The following KCNH8 variants were observed in gnomAD, a reference collection of about 807,000 sequenced individuals.
The protein encoded by KCNH8 is voltage-gated delayed rectifier potassium channel KCNH8.
A neutral mutation model predicts 103.6 loss-of-function variants in KCNH8; 70 were observed. The ratio of observed to expected loss-of-function variants is 0.68; its 90% CI spans 0.56 to 0.82. The LOEUF is 0.82. Ranked by LOEUF, KCNH8 falls within the 40% of genes least tolerant of loss-of-function variation. The pLI, the probability that KCNH8 is intolerant of heterozygous loss-of-function variation, is 0.00. For missense variants in KCNH8, 1,217 were observed against 1,329.9 expected, an observed-to-expected ratio of 0.92 and a Z score of 1.32; for synonymous variants, 498 against 489.4, an observed-to-expected ratio of 1.02 and a Z score of -0.23.
chr3:19,196,015 T>TA (rs1559417695), intron 1 of KCNH8, among the ~76,000 whole-genome samples: 2 of 152,100 alleles, frequency 1.3e-5, no homozygotes, highest in East Asian at 1.9e-4. Context: ...TTTCCTTTTT[T>TA]AAAAAAATTA....
intron 7 of KCNH8, among the ~76,000 whole-genome samples, chr3:19,402,753 C>T (rs2066632281): frequency 6.6e-6 from 1 of 151,822 alleles, no homozygotes; most frequent in African/African-American, 2.4e-5. Context: ...AATAGGGATT[C>T]TGTACCTTAT....
At chr3:19,352,078 G>A (rs1360926481) in intron 5 of KCNH8, among the ~76,000 whole-genome samples, 2 of 152,064 alleles carry the variant, frequency 1.3e-5, no homozygotes, top group African/African-American at 4.8e-5. Flanking sequence ...AAAAGCAGGG[G>A]TTGGAATCCT....
rs147765956 is a variant in KCNH8 at position 19,244,350 on chromosome 3, G to A, written c.77-9304G>A. On this transcript the variant is annotated intron_variant, in intron 1 of 15. Coordinates refer to ENST00000328405, the MANE Select transcript of KCNH8 (RefSeq NM_144633.3). ...TATTTACGCAGTCTACCATAGATGG[G>A]CCCCTAGGTTGATTCCATGTCTTTG... Among the ~76,000 whole-genome samples, 259 of 152,266 alleles carry A rather than the reference G, an allele frequency of 1.7e-3. 3 individuals carry two copies. Among genetic ancestry groups the A allele is most frequent in the Middle Eastern group, 0.017 (5 of 294 alleles).
intron 1 of KCNH8, among the ~76,000 whole-genome samples, chr3:19,170,801 TATATATATA>T (rs1443473972): frequency 9.3e-6 from 1 of 107,296 alleles, no homozygotes; most frequent in Admixed American, 9.1e-5. Context: ...TATATATATA[TATATATATA>T]TTTTTTTTTT....
In KCNH8 at chr3:19,503,114, A is replaced by G. The variant is rs1261405273; in HGVS notation, c.2041-7249A>G. Among the ~76,000 whole-genome samples, 790 of 151,184 alleles carry G rather than the reference A, an allele frequency of 5.2e-3. 2 individuals are homozygous for G. Among genetic ancestry groups the G allele is most frequent in the African/African-American group, 0.017 (689 of 41,224 alleles). ...CAAACAACCCCATCAAAAAGTGGGC[A>G]AAGGACATGAACAGACACTTCTCAA... On this transcript the variant is annotated intron_variant, in intron 11 of 15. Coordinates refer to ENST00000328405, the MANE Select transcript of KCNH8 (RefSeq NM_144633.3).
chr3:19,497,918 C>T (rs1378684107), intron 11 of KCNH8, among the ~76,000 whole-genome samples: 1 of 152,044 alleles, frequency 6.6e-6, no homozygotes, highest in African/African-American at 2.4e-5. Context: ...AATCTGGGTG[C>T]TCCTCCCTTG....
intron 15 of KCNH8, among the ~76,000 whole-genome samples, chr3:19,521,034 C>T (rs1030731197): frequency 6.6e-6 from 1 of 151,994 alleles, no homozygotes; most frequent in Non-Finnish European, 1.5e-5. Flanking sequence ...TGCTTTACAG[C>T]ATAGTATGAA....
intron 11 of KCNH8, among the ~76,000 whole-genome samples, chr3:19,476,981 CTTTA>C (rs1389274806): frequency 1.1e-4 from 17 of 152,162 alleles, no homozygotes; most frequent in East Asian, 3.9e-4. Context: ...AACAGTTTTA[CTTTA>C]TTTAAGTAAA....
At chr3:19,323,654 A>C (rs2065381113) in intron 3 of KCNH8, among the ~76,000 whole-genome samples, 1 of 151,566 alleles carries the variant, frequency 6.6e-6, no homozygotes, top group Non-Finnish European at 1.5e-5. Context: ...AAGATCTGGG[A>C]CTCTTGATTG....
At chr3:19,338,977 A>T (rs1330724389) in intron 3 of KCNH8, among the ~76,000 whole-genome samples, 2 of 152,080 alleles carry the variant, frequency 1.3e-5, no homozygotes, top group Non-Finnish European at 2.9e-5. Flanking sequence ...CCCATATGTT[A>T]TGTATATATG....
chr3:19,161,459 G>C (rs1559402756), intron 1 of KCNH8, among the ~76,000 whole-genome samples: 1 of 152,124 alleles, frequency 6.6e-6, no homozygotes, highest in East Asian at 1.9e-4. Context: ...GTGTAGAAAA[G>C]AATGAAGCAC....
intron 11 of KCNH8, among the ~76,000 whole-genome samples, chr3:19,499,564 G>C (rs1470549063): frequency 6.6e-6 from 1 of 152,040 alleles, no homozygotes; most frequent in Non-Finnish European, 1.5e-5. Context: ...CCCTCAAAGG[G>C]TAACAGCAGA....
intron 1 of KCNH8, among the ~76,000 whole-genome samples, chr3:19,234,765 CGA>C (rs1484244273): frequency 6.6e-6 from 1 of 152,254 alleles, no homozygotes; most frequent in Non-Finnish European, 1.5e-5. Flanking sequence ...GCGCGGAGAG[CGA>C]GAGAGGGCCG....
chr3:19,489,133 T>C (rs2068268941), intron 11 of KCNH8, among the ~76,000 whole-genome samples: 1 of 152,114 alleles, frequency 6.6e-6, no homozygotes, highest in Non-Finnish European at 1.5e-5. Context: ...TCCTTCAGCT[T>C]TACTTCCTCT....
chr3:19,392,372 C>T (rs1463452738), intron 6 of KCNH8, among the ~76,000 whole-genome samples: 1 of 149,028 alleles, frequency 6.7e-6, no homozygotes, highest in Non-Finnish European at 1.5e-5. Flanking sequence ...ACCAGTGATA[C>T]TTGTTCTGCT....
chr3:19,460,378 T>A (rs1477175999), intron 11 of KCNH8, among the ~76,000 whole-genome samples: 1 of 152,154 alleles, frequency 6.6e-6, no homozygotes, highest in Non-Finnish European at 1.5e-5. Context: ...GCTATTTTAA[T>A]CTGTTTCTTA....
intron 3 of KCNH8, among the ~76,000 whole-genome samples, chr3:19,312,967 T>G (rs1051275891): frequency 6.6e-6 from 1 of 151,968 alleles, no homozygotes; most frequent in Non-Finnish European, 1.5e-5. Flanking sequence ...ATTGGATAAG[T>G]TCTAGTGTCC....
chr3:19,255,219 G>A (rs527734656), intron 2 of KCNH8, among the ~76,000 whole-genome samples: 17 of 152,234 alleles, frequency 1.1e-4, no homozygotes, highest in Middle Eastern at 3.4e-3. Context: ...TGTCAGCACC[G>A]TGATCTTAGA....
chr3:19,354,716 A>G (rs1003238840), intron 5 of KCNH8, among the ~76,000 whole-genome samples: 1 of 152,228 alleles, frequency 6.6e-6, no homozygotes, highest in East Asian at 1.9e-4. Context: ...CTTACACCTT[A>G]TACAAAAATT....
Sources: gnomAD v4.1 joint callset for allele counts (sites outside exome capture counted in the v4.1 genomes callset) on GRCh38, gnomAD v4.1.1 for gene constraint, MANE v1.5 for transcripts, NCBI Gene and HGNC (gene_info 2026-07-23, HGNC 2026-07-21) for gene names.